The following PRDM2 variants were observed in gnomAD, a reference collection of about 807,000 sequenced individuals.
PRDM2 encodes the protein PR/SET domain 2.
PRDM2 carries 30 observed loss-of-function variants against 130.0 expected under a neutral mutation model. The observed-to-expected ratio is 0.23, with a 90% CI of 0.17 to 0.31. PRDM2 has a LOEUF of 0.31. Ranked by LOEUF, PRDM2 falls within the 10% of genes least tolerant of loss-of-function variation. The pLI is 1.00. For missense variants in PRDM2, 2,011 were observed against 2,108.4 expected, an observed-to-expected ratio of 0.95 and a Z score of 0.90; for synonymous variants, 871 against 782.4, an observed-to-expected ratio of 1.11 and a Z score of -1.89.
chr1:13,753,586 T>C (rs959596852), intron 6 of PRDM2, among the ~76,000 whole-genome samples: 1 of 152,180 alleles, frequency 6.6e-6, no homozygotes, highest in African/African-American at 2.4e-5. Flanking sequence ...ACTTAAAATA[T>C]AGGGAGGTAA....
At chr1:13,734,147 A>T (rs921767492) in intron 4 of PRDM2, among the ~76,000 whole-genome samples, 1 of 152,244 alleles carries the variant, frequency 6.6e-6, no homozygotes, top group Non-Finnish European at 1.5e-5. Flanking sequence ...ATTTACCACA[A>T]GAGTCATTGC....
At chr1:13,743,753 T>C (rs1304106162) in intron 5 of PRDM2, among the ~76,000 whole-genome samples, 3 of 152,240 alleles carry the variant, frequency 2.0e-5, no homozygotes, top group African/African-American at 7.2e-5. Context: ...TTCCTGACAT[T>C]GTTAGCCAAC....
intron 8 of PRDM2, chr1:13,786,781 C>T (rs1360680687): frequency 2.3e-6 from 3 of 1,315,040 alleles, no homozygotes; most frequent in East Asian, 3.0e-5. Context: ...TAAGACAGGC[C>T]AGATGAACTG....
Position 13,749,485 on chromosome 1 carries a change from A to G in PRDM2, c.509A>G (p.Lys170Arg). 6.9e-7 allele frequency: 1 copy of G among 1,441,848 alleles called. No individual in the cohort carries two copies. The highest frequency in any genetic ancestry group is 9.3e-7 in the Non-Finnish European group (1 of 1,079,230). 89.3% of individuals were successfully genotyped at this position (1,441,848 alleles called of 1,614,324 possible). A position where few individuals can be genotyped will look rare whatever the true frequency, so the allele number is the denominator to read the frequency against. ...RSKRSSPKSR[K>R]GKKKSQENKN... Reference sequence around the variant, plus strand: ...AAGCGGAGCTCCCCCAAGAGCCGGAAAGGTAGGAGCCCCCCGGCCCGCCCG... The same window carrying G: ...AAGCGGAGCTCCCCCAAGAGCCGGAGAGGTAGGAGCCCCCCGGCCCGCCCG... Residue 170 changes from lysine (K) to arginine (R), a missense_variant and splice_region_variant, in exon 6 of 10, where the codon AAA (lysine) becomes AGA (arginine). Transcript: ENST00000311066.
intron 6 of PRDM2, among the ~76,000 whole-genome samples, chr1:13,763,200 G>T (rs762905993): frequency 2.6e-5 from 4 of 152,204 alleles, no homozygotes; most frequent in Non-Finnish European, 5.9e-5. Flanking sequence ...CATTCAACAT[G>T]ATTGTTTAAA....
At position 13,781,593 on chromosome 1, in the gene PRDM2, T is replaced by C. The variant is rs774353007; in HGVS notation, c.3798T>C (p.Ser1266=). The C allele has an allele frequency of 6.2e-7, 1 of 1,613,156 alleles. No individual in the cohort carries two copies. The highest frequency in any genetic ancestry group is 8.5e-7 in the Non-Finnish European group (1 of 1,179,994). Residue 1266 remains serine, a synonymous_variant, in exon 8 of 10, where the codon TCT becomes TCC. Coordinates refer to ENST00000311066, the MANE Select transcript of PRDM2 (RefSeq NM_001393986.1). The surrounding 1 kb of genome is among the most constrained non-coding windows in gnomAD (Gnocchi z 6.1). The part of the protein sequence containing the change: ...SKEEEELNDS[S]EELYTTIKIM... ...AAGAAGAGGAGTTAAATGATTCCTC[T>C]GAAGAGCTTTACACGACTATAAAAA...
At chr1:13,758,345 G>T (rs146193286) in intron 6 of PRDM2, among the ~76,000 whole-genome samples, 61 of 151,680 alleles carry the variant, frequency 4.0e-4, no homozygotes, top group African/African-American at 1.4e-3. Flanking sequence ...TACTCGGGAG[G>T]CTGAGGCACA....
At position 13,780,230 on chromosome 1, in the gene PRDM2, G is replaced by A. The variant is rs190186137; in HGVS notation, c.2435G>A (p.Ser812Asn). 2.5e-6 allele frequency: 4 copies of A among 1,610,822 alleles called. No individual in the cohort carries two copies. In the Admixed American group the frequency reaches 5.0e-5, roughly 20 times the overall value. The change falls in exon 8 of 10, where the codon AGT becomes AAT. Residue 812 changes from serine (S) to asparagine (N), a missense_variant. Coordinates refer to ENST00000311066, the MANE Select transcript of PRDM2 (RefSeq NM_001393986.1). ...AAAATGTCTAAAGAGTGGACAGCTA[G>A]TTCTGCTTTTAGCAGTGTGTGCAAC... ...EYKMSKEWTA[S>N]SAFSSVCNQQ...
chr1:13,717,727 A>G (rs1487782737), intron 2 of PRDM2, among the ~76,000 whole-genome samples: 1 of 151,702 alleles, frequency 6.6e-6, no homozygotes, highest in Non-Finnish European at 1.5e-5. Context: ...GCTTTTGACA[A>G]GTTTTAATAT....
At position 13,782,512 on chromosome 1, in the gene PRDM2, T is replaced by A; in HGVS notation, c.4717T>A (p.Leu1573Ile). ...VKSKKPSSSS[L>I]RNSSPIRMAK... ...ATCCAAAAAACCAAGCTCCTCCTCT[T>A]TAAGGAACTCCAGCCCGATAAGAAT... The change falls in exon 8 of 10, where the codon TTA becomes ATA. Residue 1573 changes from leucine to isoleucine, a missense_variant. Physicochemically the swap from Leu to Ile is conservative, Grantham distance 5 (BLOSUM62 2). Transcript: ENST00000311066. 1 of 1,614,032 alleles carries A rather than the reference T, an allele frequency of 6.2e-7. No homozygotes were observed. The highest frequency in any genetic ancestry group is 1.7e-5 in the Admixed American group (1 of 60,002).
At position 13,788,611 on chromosome 1, in the gene PRDM2, G is replaced by A. The variant is rs575982262; in HGVS notation, c.5036+5780G>A. Among the ~76,000 whole-genome samples the A allele has an allele frequency of 1.2e-3, 177 of 152,306 alleles. 3 individuals carry two copies. In the South Asian group the frequency reaches 0.036, roughly 31 times the overall value. On this transcript the variant is annotated intron_variant, in intron 8 of 9. Coordinates refer to ENST00000311066, the MANE Select transcript of PRDM2 (RefSeq NM_001393986.1). ...AGGGATAGCCAGCTTCCCTTGGCCAGATGTTCTGGCATACGATATTCCTCC... is the reference window on the plus strand; with the variant it reads ...AGGGATAGCCAGCTTCCCTTGGCCAAATGTTCTGGCATACGATATTCCTCC...
At chr1:13,805,793 T>C (rs1195391174) in intron 8 of PRDM2, among the ~76,000 whole-genome samples, 1 of 152,046 alleles carries the variant, frequency 6.6e-6, no homozygotes, top group Non-Finnish European at 1.5e-5. Flanking sequence ...GAGAAAAAGG[T>C]GCAAGGAGGG....
chr1:13,773,254 T>C, intron 7 of PRDM2, 66 bp downstream of exon 7: 1 of 930,270 alleles, frequency 1.1e-6, no homozygotes, highest in Middle Eastern at 2.2e-4. Flanking sequence ...TAACTTTGTA[T>C]CTCTTTATAT....
At position 13,770,650 on chromosome 1, in the gene PRDM2, C is replaced by T. The variant is rs559227765; in HGVS notation, c.512-2428C>T. On this transcript the variant is annotated intron_variant, in intron 6 of 9. Coordinates refer to ENST00000311066, the MANE Select transcript of PRDM2 (RefSeq NM_001393986.1). Reference sequence around the variant, plus strand: ...GAGTGAAGGTTTAGATTACACCTCTCCATTTTAATTTATTTTAAAAGCTCA... The same window carrying T: ...GAGTGAAGGTTTAGATTACACCTCTTCATTTTAATTTATTTTAAAAGCTCA... Among the ~76,000 whole-genome samples the T allele has an allele frequency of 3.3e-5, 5 of 152,142 alleles. No individual in the cohort carries two copies. The South Asian group carries it at 1.0e-3, about 32-fold the overall frequency.
chr1:13,791,444 G>T (rs1293207110), intron 8 of PRDM2, among the ~76,000 whole-genome samples: 2 of 152,148 alleles, frequency 1.3e-5, no homozygotes, highest in Non-Finnish European at 2.9e-5. Flanking sequence ...AATACCCTTT[G>T]ATTTTGGAGA....
intron 6 of PRDM2, among the ~76,000 whole-genome samples, chr1:13,752,208 A>G (rs1643864603): frequency 6.6e-6 from 1 of 152,242 alleles, no homozygotes; most frequent in Non-Finnish European, 1.5e-5. Context: ...GTTAGGAAGG[A>G]AAAGAATGCA....
chr1:13,727,274 T>G (rs1642951021), intron 2 of PRDM2, among the ~76,000 whole-genome samples: 1 of 152,192 alleles, frequency 6.6e-6, no homozygotes, highest in Non-Finnish European at 1.5e-5. Context: ...GTGTTCCTTT[T>G]TTTTTTGAGA....
chr1:13,714,974 A>ATT (rs1348531923), intron 1 of PRDM2, among the ~76,000 whole-genome samples: 2 of 152,252 alleles, frequency 1.3e-5, no homozygotes, highest in African/African-American at 4.8e-5. Context: ...AATACATGGA[A>ATT]CATGGGTTTT....
intron 3 of PRDM2, 21 bp downstream of exon 3, chr1:13,731,138 G>A (rs1292968017): frequency 2.5e-6 from 4 of 1,596,668 alleles, no homozygotes; most frequent in Admixed American, 1.7e-5. Flanking sequence ...CTCCTGTCAC[G>A]GAGCAAGTCA....
Sources: gnomAD v4.1 joint callset for allele counts (sites outside exome capture counted in the v4.1 genomes callset) on GRCh38, gnomAD v4.1.1 for gene constraint, Gnocchi (gnomAD v3.1) non-coding constraint, MANE v1.5 for transcripts, NCBI Gene and HGNC (gene_info 2026-07-23, HGNC 2026-07-21) for gene names.